The following TTC29 variants were observed in gnomAD, a reference collection of about 807,000 sequenced individuals.
TTC29 encodes the protein tetratricopeptide repeat protein 29.
TTC29 carries 49 observed loss-of-function variants against 58.1 expected under a neutral mutation model. That is an observed-to-expected ratio of 0.84 (90% confidence interval 0.67 to 1.07). The LOEUF (loss-of-function observed/expected upper bound fraction) is 1.07, where lower values mean the gene tolerates loss of function less well. Ranked by LOEUF, TTC29 falls within the 50% of genes least tolerant of loss-of-function variation. The pLI is 0.00. For synonymous variants in TTC29, 209 were observed against 196.8 expected, an observed-to-expected ratio of 1.06 and a Z score of -0.52; for missense variants, 582 against 555.6, an observed-to-expected ratio of 1.05 and a Z score of -0.48.
intron 11 of TTC29, among the ~76,000 whole-genome samples, chr4:146,737,593 G>A (rs111789155): frequency 1.3e-4 from 19 of 145,270 alleles, no homozygotes; most frequent in African/African-American, 4.4e-4. Flanking sequence ...GTAGCCCTGG[G>A]GGGGGGGGGG....
intron 11 of TTC29, among the ~76,000 whole-genome samples, chr4:146,729,097 T>C (rs1304035026): frequency 1.3e-5 from 2 of 151,964 alleles, no homozygotes; most frequent in African/African-American, 2.4e-5. Flanking sequence ...TGGGCCAAAG[T>C]TTTGTTCATT....
At chr4:146,785,143 T>C (rs1748915594) in intron 11 of TTC29, among the ~76,000 whole-genome samples, 1 of 152,092 alleles carries the variant, frequency 6.6e-6, no homozygotes, top group African/African-American at 2.4e-5. Context: ...TAAAAATATA[T>C]TTTCAGCTAT....
At chr4:146,745,461 G>T (rs568472458) in intron 11 of TTC29, among the ~76,000 whole-genome samples, 18 of 152,326 alleles carry the variant, frequency 1.2e-4, no homozygotes, top group African/African-American at 3.8e-4. Context: ...TCTCTGCAGG[G>T]TGCAGCAAAT....
chr4:146,707,566 C>T lies in TTC29; in HGVS notation c.1331-15G>A. On this transcript the variant is annotated splice_polypyrimidine_tract_variant and intron_variant, in intron 11 of 12. Coordinates refer to ENST00000325106, the MANE Select transcript of TTC29 (RefSeq NM_031956.4). Reference sequence around the variant, plus strand: ...TCTAAACTCTTCTAAAAAAAAAATACACAAAGTTAATAGATTATCATGAAC... The same window carrying T: ...TCTAAACTCTTCTAAAAAAAAAATATACAAAGTTAATAGATTATCATGAAC... The T allele has an allele frequency of 6.4e-7, 1 of 1,552,112 alleles. No individual in the cohort carries two copies. The highest frequency in any genetic ancestry group is 1.1e-5 in the South Asian group (1 of 86,996).
chr4:146,894,708 TA>T (rs1046484890), intron 6 of TTC29, among the ~76,000 whole-genome samples: 1 of 151,782 alleles, frequency 6.6e-6, no homozygotes, highest in Non-Finnish European at 1.5e-5. Flanking sequence ...AATAAATAAA[TA>T]AATAAATTAC....
intron 9 of TTC29, among the ~76,000 whole-genome samples, chr4:146,826,605 T>C (rs892452221): frequency 6.6e-6 from 1 of 151,756 alleles, no homozygotes; most frequent in African/African-American, 2.4e-5. Context: ...GATCTTCTCA[T>C]GGAGTATCTT....
intron 11 of TTC29, among the ~76,000 whole-genome samples, chr4:146,780,699 C>A (rs1480069896): frequency 6.6e-6 from 1 of 151,068 alleles, no homozygotes; most frequent in East Asian, 2.0e-4. Flanking sequence ...CACACACACA[C>A]ATATATATAA....
chr4:146,862,563 T>C (rs924220788), intron 8 of TTC29, among the ~76,000 whole-genome samples: 1 of 152,186 alleles, frequency 6.6e-6, no homozygotes, highest in Non-Finnish European at 1.5e-5. Flanking sequence ...GAAAAGACAT[T>C]GCCTTCAAAT....
chr4:146,714,930 A>G (rs1463373983), intron 11 of TTC29, among the ~76,000 whole-genome samples: 2 of 152,174 alleles, frequency 1.3e-5, no homozygotes, highest in African/African-American at 4.8e-5. Context: ...TACAGGCTCA[A>G]GCAATCCTCC....
intron 11 of TTC29, among the ~76,000 whole-genome samples, chr4:146,741,867 G>T (rs4292350): frequency 0.99 from 151,517 of 152,340 alleles, 75,350 homozygotes; most frequent in Middle Eastern, 1. Flanking sequence ...TAGGTGCTTC[G>T]CCTTAGCTCT....
intron 10 of TTC29, among the ~76,000 whole-genome samples, chr4:146,814,838 CAAG>C (rs1751289729): frequency 6.6e-6 from 1 of 150,552 alleles, no homozygotes; most frequent in Non-Finnish European, 1.5e-5. Flanking sequence ...ATCTGAGTGA[CAAG>C]AAGCCAGCAA....
chr4:146,802,634 A>G (rs1318061674), intron 11 of TTC29, among the ~76,000 whole-genome samples: 1 of 152,220 alleles, frequency 6.6e-6, no homozygotes, highest in African/African-American at 2.4e-5. Context: ...CATCTAAATG[A>G]CCACAGGGGA....
At position 146,925,279 on chromosome 4, in the gene TTC29, T is replaced by G. The variant is rs569622296; in HGVS notation, c.176+12315A>C. Among the ~76,000 whole-genome samples the G allele has an allele frequency of 3.3e-5, 5 of 152,172 alleles. No individual in the cohort carries two copies. The South Asian group carries it at 1.0e-3, about 32-fold the overall frequency. ...TCCTACTGGTTTTTCTACCAGCTAT[T>G]GAAAGAGTGATGTTGGAATCTCCAA... On this transcript the variant is annotated intron_variant, in intron 4 of 12. Coordinates refer to ENST00000325106, the MANE Select transcript of TTC29 (RefSeq NM_031956.4).
At chr4:146,894,536 TGGGGGAG>T (rs1732625379) in intron 6 of TTC29, among the ~76,000 whole-genome samples, 1 of 35,648 alleles carries the variant, frequency 2.8e-5, no homozygotes, top group Admixed American at 3.7e-4. Flanking sequence ...GTTGTGGGGT[TGGGGGAG>T]GGGGGAGGGA....
rs1271491311 is a variant in TTC29 at position 146,813,856 on chromosome 4, T to C, written c.1101+6269A>G. ...AAAATTAGCTGGGTGGGGTGGCATG[T>C]GCCTGTAATCCCAGCTACTTGGGAG... is the stretch of plus-strand genomic sequence containing the variant. On this transcript the variant is annotated intron_variant, in intron 10 of 12. Coordinates refer to ENST00000325106, the MANE Select transcript of TTC29 (RefSeq NM_031956.4). Among the ~76,000 whole-genome samples, 3 of 152,198 alleles carry C rather than the reference T, an allele frequency of 2.0e-5. No individual in the cohort carries two copies. The East Asian group carries it at 5.8e-4, about 30-fold the overall frequency.
intron 2 of TTC29, among the ~76,000 whole-genome samples, chr4:146,940,309 G>T (rs1171796151): frequency 6.6e-6 from 1 of 152,168 alleles, no homozygotes; most frequent in South Asian, 2.1e-4. Flanking sequence ...ATTGAAAATT[G>T]CTTATACTTG....
At chr4:146,923,501 T>C (rs1026334605) in intron 4 of TTC29, among the ~76,000 whole-genome samples, 13 of 151,552 alleles carry the variant, frequency 8.6e-5, no homozygotes, top group Non-Finnish European at 1.6e-4. Flanking sequence ...TTAAGAAAAA[T>C]AGAAACTAAA....
intron 6 of TTC29, among the ~76,000 whole-genome samples, chr4:146,895,704 A>G (rs1732723706): frequency 6.6e-6 from 1 of 152,178 alleles, no homozygotes; most frequent in African/African-American, 2.4e-5. Flanking sequence ...CTATTCTCTA[A>G]TCAACCTTAA....
intron 11 of TTC29, among the ~76,000 whole-genome samples, chr4:146,731,290 T>C (rs1349838309): frequency 2.0e-5 from 3 of 151,352 alleles, no homozygotes; most frequent in Non-Finnish European, 4.4e-5. Context: ...TATTGGAGGG[T>C]TGAATAAAGA....
Sources: allele counts gnomAD v4.1 joint callset (sites outside exome capture counted in the v4.1 genomes callset), GRCh38; gene constraint gnomAD v4.1.1; transcripts MANE v1.5; gene names NCBI Gene and HGNC (gene_info 2026-07-23, HGNC 2026-07-21).